Variants in EXT1 observed in about 807,000 individuals in gnomAD.
The protein encoded by EXT1 is exostosin-1.
A neutral mutation model predicts 82.5 loss-of-function variants in EXT1; 20 were observed. That is an observed-to-expected ratio of 0.24 (90% confidence interval 0.17 to 0.35). The LOEUF (loss-of-function observed/expected upper bound fraction) is 0.35, where lower values mean the gene tolerates loss of function less well. Ranked by LOEUF, EXT1 falls within the 10% of genes least tolerant of loss-of-function variation. The probability of loss-of-function intolerance (pLI) is 1.00; values close to 1 mark genes in which losing one functional copy is unlikely to be tolerated. For synonymous variants in EXT1, 348 were observed against 350.8 expected (o/e 0.99, Z 0.09); for missense variants, 757 against 936.5 (o/e 0.81, Z 2.50).
intron 1 of EXT1, among the ~76,000 whole-genome samples, chr8:118,007,473 G>A (rs146272464): frequency 6.6e-6 from 1 of 152,282 alleles, no homozygotes; most frequent in African/African-American, 2.4e-5. Context: ...CTCCTTTCAA[G>A]GAAAATGCAT....
At position 117,798,527 on chromosome 8, in the gene EXT1, T is replaced by C. The variant is rs998293604; in HGVS notation, c.*1185A>G. The C allele has an allele frequency of 3.3e-5, 5 of 152,228 alleles. No individual in the cohort carries two copies. The highest frequency in any genetic ancestry group is 6.5e-5 in the Admixed American group (1 of 15,288). The allele number at this position is 152,228 out of a possible 1,614,324, so 9.4% of individuals were successfully genotyped here. On this transcript the variant is annotated 3_prime_UTR_variant, in exon 11 of 11. Coordinates refer to ENST00000378204, the MANE Select transcript of EXT1 (RefSeq NM_000127.3). Reference sequence around the variant, plus strand: ...CTAAACTTTTCCACAGATTTAAAAATTAAAAGTAAATGAAACTATATTCAC... The same window carrying C: ...CTAAACTTTTCCACAGATTTAAAAACTAAAAGTAAATGAAACTATATTCAC...
At chr8:117,928,668 T>C (rs544737417) in intron 1 of EXT1, among the ~76,000 whole-genome samples, 14 of 152,166 alleles carry the variant, frequency 9.2e-5, no homozygotes, top group East Asian at 1.9e-4. Flanking sequence ...GGTTCAGATA[T>C]CACATCTAAT....
At chr8:117,851,063 G>T (rs1310112651) in intron 1 of EXT1, among the ~76,000 whole-genome samples, 2 of 152,154 alleles carry the variant, frequency 1.3e-5, no homozygotes, top group Non-Finnish European at 2.9e-5. Flanking sequence ...GTTTCAACTT[G>T]ATCAAGGGAT....
At chr8:118,061,770 C>T (rs758914111) in intron 1 of EXT1, among the ~76,000 whole-genome samples, 49 of 152,178 alleles carry the variant, frequency 3.2e-4, no homozygotes, top group Admixed American at 7.2e-4. Context: ...ATTTTAAAAG[C>T]AACAGGCTGA....
intron 1 of EXT1, among the ~76,000 whole-genome samples, chr8:117,867,782 A>G (rs372709471): frequency 6.6e-6 from 1 of 152,192 alleles, no homozygotes; most frequent in Admixed American, 6.5e-5. Context: ...AAACATACCT[A>G]TCAACCAACC....
At chr8:118,077,251 C>T (rs1295614639) in intron 1 of EXT1, among the ~76,000 whole-genome samples, 2 of 152,206 alleles carry the variant, frequency 1.3e-5, no homozygotes, top group African/African-American at 4.8e-5. Context: ...CCTTCCAGGA[C>T]CACCACCAGG....
chr8:117,833,317 G>A (rs563780348), intron 3 of EXT1, among the ~76,000 whole-genome samples: 1 of 152,254 alleles, frequency 6.6e-6, no homozygotes, highest in East Asian at 1.9e-4. Context: ...TTGGTGAAAT[G>A]GTAGAAACTG....
chr8:118,021,222 CT>C (rs1379766186), intron 1 of EXT1, among the ~76,000 whole-genome samples: 1 of 152,138 alleles, frequency 6.6e-6, no homozygotes, highest in East Asian at 1.9e-4. Flanking sequence ...TATGAATACG[CT>C]TTTCATATGG....
chr8:118,094,527 TAA>T, intron 1 of EXT1, among the ~76,000 whole-genome samples: 1 of 152,236 alleles, frequency 6.6e-6, no homozygotes, highest in Non-Finnish European at 1.5e-5. Context: ...ACAGACAGAA[TAA>T]TAATGACAGT....
chr8:117,863,358 T>C (rs1025174534), intron 1 of EXT1, among the ~76,000 whole-genome samples: 1 of 151,952 alleles, frequency 6.6e-6, no homozygotes, highest in African/African-American at 2.4e-5. Context: ...TCAGAAGCAC[T>C]GTTTTATTTC....
chr8:118,057,211 C>T (rs1816807584), intron 1 of EXT1, among the ~76,000 whole-genome samples: 1 of 152,202 alleles, frequency 6.6e-6, no homozygotes, highest in Non-Finnish European at 1.5e-5. Context: ...TTATGTTCTA[C>T]ACCTGGGCCA....
intron 1 of EXT1, among the ~76,000 whole-genome samples, chr8:118,093,779 C>T (rs928126623): frequency 6.6e-6 from 1 of 152,210 alleles, no homozygotes; most frequent in Non-Finnish European, 1.5e-5. Flanking sequence ...GCTAGAATTT[C>T]TTCTCTAAGT....
In EXT1 at chr8:117,830,342, G is replaced by C; in HGVS notation, c.1172C>G (p.Ser391Cys). ...GDERLLLQIP[S>C]TIRSIHQDKI... ...ATCCTGATGAATAGACCTGATTGTA[G>C]AAGGAATCTGTAACACAAGGTGAAC... is the stretch of plus-strand genomic sequence containing the variant. The change falls in exon 4 of 11, where the codon TCT becomes TGT. Residue 391 changes from serine to cysteine, a missense_variant. Physicochemically the swap from Ser to Cys is moderately radical, Grantham distance 112 (BLOSUM62 -1). This residue lies in a region of EXT1 where 207 missense variants were observed against 224.2 expected (regional missense o/e 0.92). Transcript: ENST00000378204. The C allele has an allele frequency of 1.7e-5, 27 of 1,613,982 alleles. No homozygotes were observed. Among genetic ancestry groups the C allele is most frequent in the Non-Finnish European group, 2.3e-5 (27 of 1,179,958 alleles).
At chr8:117,897,532 A>G (rs1407157947) in intron 1 of EXT1, among the ~76,000 whole-genome samples, 3 of 151,106 alleles carry the variant, frequency 2.0e-5, no homozygotes, top group Admixed American at 6.6e-5. Context: ...CTTGTTTTCA[A>G]TCTCAGATTC....
intron 1 of EXT1, among the ~76,000 whole-genome samples, chr8:118,041,067 T>C (rs1016381924): frequency 2.0e-5 from 3 of 152,186 alleles, no homozygotes; most frequent in African/African-American, 7.2e-5. Context: ...AAGCCACTTT[T>C]AAACATTACC....
intron 4 of EXT1, among the ~76,000 whole-genome samples, chr8:117,829,286 T>C (rs1259602164): frequency 6.6e-6 from 1 of 152,156 alleles, no homozygotes; most frequent in African/African-American, 2.4e-5. Context: ...GCTTCCTTTT[T>C]CTTTTTCCGT....
chr8:117,824,963 C>T (rs1811986516), intron 4 of EXT1, among the ~76,000 whole-genome samples: 1 of 151,976 alleles, frequency 6.6e-6, no homozygotes, highest in African/African-American at 2.4e-5. Flanking sequence ...AACTCCTGGG[C>T]TCAAAGGATA....
intron 1 of EXT1, among the ~76,000 whole-genome samples, chr8:117,961,907 C>T (rs1814707482): frequency 6.6e-6 from 1 of 152,160 alleles, no homozygotes; most frequent in Non-Finnish European, 1.5e-5. Context: ...CTTGATCTGC[C>T]AGCTCTCTGC....
In EXT1 at chr8:117,884,852, C is replaced by T. The variant is rs1201760314; in HGVS notation, c.963-47651G>A. Among the ~76,000 whole-genome samples the T allele has an allele frequency of 3.9e-5, 6 of 152,210 alleles. No individual in the cohort carries two copies. In the East Asian group the frequency reaches 1.2e-3, roughly 29 times the overall value. On this transcript the variant is annotated intron_variant, in intron 1 of 10. Transcript: ENST00000378204. ...CCATCACATCCCGTCTTCTCTCCAG[C>T]TTTCTGTAGCAGCAACCTGGCTCAA...
Sources: allele counts gnomAD v4.1 joint callset (sites outside exome capture counted in the v4.1 genomes callset), GRCh38; gene constraint gnomAD v4.1.1; regional missense constraint gnomAD v4.1.1; transcripts MANE v1.5; gene names NCBI Gene and HGNC (gene_info 2026-07-23, HGNC 2026-07-21).